Variants in TACR3 observed in about 807,000 individuals in gnomAD.
The protein encoded by TACR3 is tachykinin receptor 3.
A neutral mutation model predicts 35.0 loss-of-function variants in TACR3; 34 were observed. The ratio of observed to expected loss-of-function variants is 0.97; its 90% CI spans 0.74 to 1.30. The LOEUF (loss-of-function observed/expected upper bound fraction) is 1.30, where lower values mean the gene tolerates loss of function less well. TACR3 is among the 50% of genes most tolerant of loss of function. The pLI, the probability that TACR3 is intolerant of heterozygous loss-of-function variation, is 0.00. For synonymous variants in TACR3, 233 were observed against 221.1 expected (o/e 1.05, Z -0.48); for missense variants, 558 against 591.7 (o/e 0.94, Z 0.59).
chr4:103,703,281 C>T (rs1167544625), intron 1 of TACR3, among the ~76,000 whole-genome samples: 5 of 152,010 alleles, frequency 3.3e-5, no homozygotes, highest in Non-Finnish European at 7.4e-5. Context: ...GTGTACAGTT[C>T]AATGGCAATA....
chr4:103,704,105 C>CGAAAAAAAAAA (rs1722728811), intron 1 of TACR3, among the ~76,000 whole-genome samples: 1 of 64,612 alleles, frequency 1.5e-5, no homozygotes, highest in Non-Finnish European at 2.8e-5. Flanking sequence ...CTCTATCTCA[C>CGAAAAAAAAAA]AAAAAAAAAA....
intron 4 of TACR3, among the ~76,000 whole-genome samples, chr4:103,590,963 C>T (rs1723878844): frequency 6.6e-6 from 1 of 152,132 alleles, no homozygotes; most frequent in Non-Finnish European, 1.5e-5. Flanking sequence ...TGCTCTCTTA[C>T]TCACCCCACC....
chr4:103,618,564 CTTTTTTTTTT>C (rs57837921), intron 3 of TACR3, among the ~76,000 whole-genome samples: 11 of 61,452 alleles, frequency 1.8e-4, no homozygotes, highest in South Asian at 7.6e-4. Context: ...GTGACTTGGG[CTTTTTTTTTT>C]TTTTTTTTTT....
At chr4:103,660,549 A>C (rs1007066303) in intron 1 of TACR3, among the ~76,000 whole-genome samples, 3 of 142,324 alleles carry the variant, frequency 2.1e-5, no homozygotes, top group Non-Finnish European at 3.1e-5. Flanking sequence ...CACACACACA[A>C]CAAATACACA....
At chr4:103,710,707 G>GT (rs1560541285) in intron 1 of TACR3, among the ~76,000 whole-genome samples, 1 of 152,096 alleles carries the variant, frequency 6.6e-6, no homozygotes, top group Non-Finnish European at 1.5e-5. Flanking sequence ...CCAGGAGCTG[G>GT]TTTTTTGAAA....
intron 3 of TACR3, among the ~76,000 whole-genome samples, chr4:103,603,457 A>T (rs1445273086): frequency 1.3e-5 from 2 of 152,206 alleles, no homozygotes; most frequent in South Asian, 2.1e-4. Flanking sequence ...CTCAGTTGGA[A>T]ATGTAGAAAT....
At chr4:103,688,537 C>G (rs1029740787) in intron 1 of TACR3, among the ~76,000 whole-genome samples, 1 of 150,092 alleles carries the variant, frequency 6.7e-6, no homozygotes, top group Non-Finnish European at 1.5e-5. Context: ...ACAATGAACT[C>G]AAACAAATTT....
chr4:103,605,625 T>C (rs1724337537), intron 3 of TACR3, among the ~76,000 whole-genome samples: 1 of 152,156 alleles, frequency 6.6e-6, no homozygotes, highest in African/African-American at 2.4e-5. Flanking sequence ...ATAAATGTCT[T>C]CTTTTGAGAA....
intron 3 of TACR3, among the ~76,000 whole-genome samples, chr4:103,650,626 A>G (rs184751118): frequency 0.012 from 1,101 of 94,092 alleles, 37 homozygotes; most frequent in African/African-American, 0.051. Context: ...TATTATATAT[A>G]AATATATAAT....
chr4:103,592,949 T>C (rs1408653819), intron 3 of TACR3, among the ~76,000 whole-genome samples: 1 of 152,176 alleles, frequency 6.6e-6, no homozygotes, highest in Non-Finnish European at 1.5e-5. Context: ...AAATTGGCCA[T>C]CAGAGTTGAA....
intron 3 of TACR3, among the ~76,000 whole-genome samples, chr4:103,602,366 A>C (rs1482668329): frequency 6.6e-6 from 1 of 151,958 alleles, no homozygotes; most frequent in Non-Finnish European, 1.5e-5. Context: ...TGATTGTCTG[A>C]AGCCTTCTTC....
intron 3 of TACR3, 33 bp downstream of exon 3, chr4:103,656,161 T>C: frequency 6.2e-7 from 1 of 1,611,260 alleles, no homozygotes; most frequent in Non-Finnish European, 8.5e-7. Context: ...CCATAACCTA[T>C]ACAAATGCTA....
intron 1 of TACR3, among the ~76,000 whole-genome samples, chr4:103,661,849 A>G (rs997839985): frequency 6.6e-6 from 1 of 152,172 alleles, no homozygotes; most frequent in South Asian, 2.1e-4. Context: ...ATTCAATAAA[A>G]CATTTATTGA....
At chr4:103,623,075 A>T (rs1037925619) in intron 3 of TACR3, among the ~76,000 whole-genome samples, 3 of 152,178 alleles carry the variant, frequency 2.0e-5, no homozygotes, top group Non-Finnish European at 4.4e-5. Flanking sequence ...AAATTTAAAT[A>T]ACAAAGTCTT....
Position 103,591,142 on chromosome 4 carries a change from A to C in TACR3, c.1085+345T>G. The C allele has an allele frequency of 1.3e-5, 4 of 297,236 alleles. No homozygotes were observed. The South Asian group carries it at 1.7e-4, about 12-fold the overall frequency. The allele number at this position is 297,236 out of a possible 1,614,324, so 18.4% of individuals were successfully genotyped here. Reference sequence around the variant, plus strand: ...AATTTCTAGGAAGTAACTTCATTTCATTGAGGATTTGAGCATATTTTCAAT... The same window carrying C: ...AATTTCTAGGAAGTAACTTCATTTCCTTGAGGATTTGAGCATATTTTCAAT... On this transcript the variant is annotated intron_variant, in intron 4 of 4. Coordinates refer to ENST00000304883, the MANE Select transcript of TACR3 (RefSeq NM_001059.3).
At chr4:103,599,172 C>T (rs1433117989) in intron 3 of TACR3, among the ~76,000 whole-genome samples, 1 of 152,154 alleles carries the variant, frequency 6.6e-6, no homozygotes, top group African/African-American at 2.4e-5. Context: ...TCCTTCATAT[C>T]CCTTGTAAGT....
chr4:103,595,232 G>T (rs966732764), intron 3 of TACR3, among the ~76,000 whole-genome samples: 1 of 152,156 alleles, frequency 6.6e-6, no homozygotes, highest in Non-Finnish European at 1.5e-5. Flanking sequence ...AAAGAATCAG[G>T]TGGTAAACTT....
intron 3 of TACR3, among the ~76,000 whole-genome samples, chr4:103,619,489 C>CACTATT (rs899690317): frequency 6.6e-6 from 1 of 152,132 alleles, no homozygotes; most frequent in African/African-American, 2.4e-5. Flanking sequence ...TGCACCTGGC[C>CACTATT]ACTATTTAGA....
Position 103,717,861 on chromosome 4 carries a change from G to C in TACR3, c.548+1267C>G, listed in dbSNP as rs948593474. 2.1e-4 allele frequency among the ~76,000 whole-genome samples: 32 copies of C among 152,108 alleles called. No individual in the cohort carries two copies. In the Middle Eastern group the frequency reaches 0.01, roughly 49 times the overall value. Reference sequence around the variant, plus strand: ...ACTCCTATACATAGTAGTAATGAAGGGGTGCATATGTGTGGATAATCAGAG... The same window carrying C: ...ACTCCTATACATAGTAGTAATGAAGCGGTGCATATGTGTGGATAATCAGAG... On this transcript the variant is annotated intron_variant, in intron 1 of 4. Coordinates refer to ENST00000304883, the MANE Select transcript of TACR3 (RefSeq NM_001059.3).
Sources: allele counts gnomAD v4.1 joint callset (sites outside exome capture counted in the v4.1 genomes callset), GRCh38; gene constraint gnomAD v4.1.1; transcripts MANE v1.5; gene names NCBI Gene and HGNC (gene_info 2026-07-23, HGNC 2026-07-21).